PHTF1: variants seen among roughly 807,000 people sequenced by gnomAD.
The protein encoded by PHTF1 is protein PHTF1.
Under a neutral mutation model 102.4 loss-of-function variants are expected in PHTF1, and 88 were observed. The ratio of observed to expected loss-of-function variants is 0.86; its 90% confidence interval spans 0.72 to 1.03. The LOEUF (loss-of-function observed/expected upper bound fraction) is 1.03, where lower values mean the gene tolerates loss of function less well. Ranked by LOEUF, PHTF1 falls within the 50% of genes least tolerant of loss-of-function variation. The probability of loss-of-function intolerance (pLI) is 0.00; values close to 1 mark genes in which losing one functional copy is unlikely to be tolerated. For missense variants in PHTF1, 814 were observed against 909.5 expected, an observed-to-expected ratio of 0.89 and a Z score of 1.35; for synonymous variants, 289 against 305.2, an observed-to-expected ratio of 0.95 and a Z score of 0.55.
intron 7 of PHTF1, among the ~76,000 whole-genome samples, chr1:113,723,919 C>G (rs1653399815): frequency 6.7e-6 from 1 of 149,636 alleles, no homozygotes; most frequent in Non-Finnish European, 1.5e-5. Flanking sequence ...TCAAACAACT[C>G]TATAGAAAAA....
intron 3 of PHTF1, among the ~76,000 whole-genome samples, chr1:113,746,005 GGGACTGCT>G (rs1260533736): frequency 6.6e-6 from 1 of 152,142 alleles, no homozygotes; most frequent in East Asian, 1.9e-4. Context: ...AAAAAGGTTG[GGGACTGCT>G]GGACTATACA....
intron 5 of PHTF1, among the ~76,000 whole-genome samples, chr1:113,733,460 A>G (rs184014345): frequency 2.2e-4 from 34 of 152,324 alleles, no homozygotes; most frequent in Non-Finnish European, 1.5e-4. Flanking sequence ...TGCCCACAAT[A>G]TGGGAAGATG....
chr1:113,744,971 G>A (rs373841296), intron 3 of PHTF1, among the ~76,000 whole-genome samples: 57 of 151,102 alleles, frequency 3.8e-4, no homozygotes, highest in African/African-American at 1.4e-3. Flanking sequence ...TGGAAGGGAA[G>A]GGGAGGGGAG....
chr1:113,737,859 A>G (rs923112398), intron 5 of PHTF1, among the ~76,000 whole-genome samples: 7 of 152,216 alleles, frequency 4.6e-5, no homozygotes, highest in African/African-American at 1.7e-4. Context: ...AGACACAAGA[A>G]AAGACTGAGA....
chr1:113,758,620 G>A (rs1659244519), intron 2 of PHTF1, 39 bp downstream of exon 2: 3 of 1,258,536 alleles, frequency 2.4e-6, no homozygotes, highest in East Asian at 2.6e-5. Flanking sequence ...TTTGCAGGAA[G>A]AATGCTTTAC....
At chr1:113,718,195 G>C (rs1363478444) in intron 7 of PHTF1, among the ~76,000 whole-genome samples, 1 of 152,214 alleles carries the variant, frequency 6.6e-6, no homozygotes, top group Admixed American at 6.5e-5. Flanking sequence ...CAGGGCCCTT[G>C]CAAGTCTGAA....
chr1:113,729,541 C>T lies in PHTF1; in HGVS notation c.332-2967G>A, dbSNP rs138593117. 2.6e-5 allele frequency among the ~76,000 whole-genome samples: 4 copies of T among 151,752 alleles called. No homozygotes were observed. In the East Asian group the frequency reaches 7.7e-4, roughly 29 times the overall value. ...AATATATATACCTACTATATACCCA[C>T]AAAAATTAAAAAGTTAAAAAAAAAA... On this transcript the variant is annotated intron_variant, in intron 5 of 18. Coordinates refer to ENST00000369604, the MANE Select transcript of PHTF1 (RefSeq NM_001323043.2).
chr1:113,706,516 C>A, intron 12 of PHTF1, 78 bp downstream of exon 12: 1 of 1,134,998 alleles, frequency 8.8e-7, no homozygotes, highest in Non-Finnish European at 1.2e-6. Flanking sequence ...CTGTTTTAAT[C>A]ACTAAGAGAT....
chr1:113,706,514 A>T, intron 12 of PHTF1, 80 bp downstream of exon 12: 2 of 1,110,468 alleles, frequency 1.8e-6, no homozygotes, highest in Non-Finnish European at 2.5e-6. Flanking sequence ...TACTGTTTTA[A>T]TCACTAAGAG....
At chr1:113,724,705 T>G in intron 7 of PHTF1, 54 bp downstream of exon 7, 1 of 1,431,768 alleles carries the variant, frequency 7.0e-7, no homozygotes. Context: ...CTGATGATAC[T>G]ATACATTCTG....
In PHTF1 at chr1:113,700,574, C is replaced by A. The variant is rs77057092; in HGVS notation, c.2046+220G>T. Among the ~76,000 whole-genome samples, 13 of 152,310 alleles carry A rather than the reference C, an allele frequency of 8.5e-5. No homozygotes were observed. In the East Asian group the frequency reaches 2.3e-3, roughly 27 times the overall value. ...AAAATCTCTCCATAGTATACAAAGT[C>A]TTTTCAATCCATTAGATCTTAATTC... On this transcript the variant is annotated intron_variant, in intron 16 of 18. Transcript: ENST00000369604.
At chr1:113,704,826 G>A (rs745686752) in intron 13 of PHTF1, 29 bp from the exon 14 acceptor site, 6 of 1,467,078 alleles carry the variant, frequency 4.1e-6, no homozygotes, top group Non-Finnish European at 5.6e-6. Context: ...AAATCACAGT[G>A]AAATGTATGT....
rs370897863 is a variant in PHTF1 at position 113,745,665 on chromosome 1, G to A, written c.103-6866C>T. Among the ~76,000 whole-genome samples the A allele has an allele frequency of 2.6e-4, 39 of 152,170 alleles. No homozygotes were observed. The South Asian group carries it at 4.4e-3, about 17-fold the overall frequency. Reference sequence around the variant, plus strand: ...CCCTACCTCCTGTCAGATGAGTGGCGGCATTAGATTCTCACAGGAGTGCAA... The same window carrying A: ...CCCTACCTCCTGTCAGATGAGTGGCAGCATTAGATTCTCACAGGAGTGCAA... On this transcript the variant is annotated intron_variant, in intron 3 of 18. Coordinates refer to ENST00000369604, the MANE Select transcript of PHTF1 (RefSeq NM_001323043.2).
chr1:113,713,628 G>A, intron 7 of PHTF1, 190 bp from the exon 8 acceptor site: 1 of 535,068 alleles, frequency 1.9e-6, no homozygotes, highest in Non-Finnish European at 3.3e-6. Context: ...CTCAGAATGT[G>A]AGTCTATTCT....
intron 15 of PHTF1, among the ~76,000 whole-genome samples, chr1:113,703,144 T>A (rs1159319863): frequency 6.6e-6 from 1 of 152,086 alleles, no homozygotes; most frequent in Non-Finnish European, 1.5e-5. Flanking sequence ...GACCAAAAAA[T>A]TCAGTAAGGA....
At position 113,757,816 on chromosome 1, in the gene PHTF1, C is replaced by T. The variant is rs557928901; in HGVS notation, c.46-61G>A. 14 of 1,075,142 alleles carry T rather than the reference C, an allele frequency of 1.3e-5. No individual in the cohort carries two copies. In the South Asian group the frequency reaches 1.5e-4, roughly 12 times the overall value. 66.6% of individuals were successfully genotyped at this position (1,075,142 alleles called of 1,614,324 possible). ...AAAGGAAATCCTTACATTATTAAGT[C>T]AAGCCTCATAAAAGTCATGAGCCTA... On this transcript the variant is annotated intron_variant, in intron 2 of 18. Transcript: ENST00000369604.
intron 3 of PHTF1, among the ~76,000 whole-genome samples, chr1:113,745,649 C>T (rs1390404878): frequency 6.6e-6 from 1 of 152,178 alleles, no homozygotes; most frequent in African/African-American, 2.4e-5. Context: ...GCCCTACCTC[C>T]TGTCAGATGA....
At chr1:113,737,664 T>C (rs1450941754) in intron 5 of PHTF1, among the ~76,000 whole-genome samples, 2 of 152,150 alleles carry the variant, frequency 1.3e-5, no homozygotes, top group African/African-American at 4.8e-5. Flanking sequence ...CCAGGCACAG[T>C]GGCATACACC....
Position 113,706,052 on chromosome 1 carries a change from G to A in PHTF1, c.1509C>T (p.Asp503=), listed in dbSNP as rs778655762. 1 of 1,614,118 alleles carries A rather than the reference G, an allele frequency of 6.2e-7. No homozygotes were observed. The highest frequency in any genetic ancestry group is 1.1e-5 in the South Asian group (1 of 91,082). Reference sequence around the variant, plus strand: ...CCTCAGCTGAAATGGACTTTAGTTGGTCAAGGCTCTTCTCACGGAAAAGTC... The same window carrying A: ...CCTCAGCTGAAATGGACTTTAGTTGATCAAGGCTCTTCTCACGGAAAAGTC... ...LHRLFREKSL[D]QLKSISAEEI... The change falls in exon 13 of 19, where the codon GAC becomes GAT. Residue 503 remains aspartate, a synonymous_variant. Coordinates refer to ENST00000369604, the MANE Select transcript of PHTF1 (RefSeq NM_001323043.2).
Sources: gnomAD v4.1 joint callset for allele counts (sites outside exome capture counted in the v4.1 genomes callset) on GRCh38, gnomAD v4.1.1 for gene constraint, MANE v1.5 for transcripts, NCBI Gene and HGNC (gene_info 2026-07-23, HGNC 2026-07-21) for gene names.